Variants in AKAP19 observed in about 807,000 individuals in gnomAD.
The protein encoded by AKAP19 is A-kinase anchoring protein 19, also known as small A-kinase anchoring protein.
the AKAP19 span, among the ~76,000 whole-genome samples, chr2:190,163,529 C>T: frequency 6.6e-6 from 1 of 151,808 alleles, no homozygotes; most frequent in African/African-American, 2.4e-5. Context: ...ATAGTACTTC[C>T]TAAAATATTT....
At chr2:190,176,618 G>A in the AKAP19 span, among the ~76,000 whole-genome samples, 5 of 152,186 alleles carry the variant, frequency 3.3e-5, no homozygotes, top group Non-Finnish European at 7.3e-5. The surrounding 1 kb of genome is among the most constrained non-coding windows in gnomAD (Gnocchi z 4.7). Flanking sequence ...AAAGTGCTGG[G>A]ATTACAGGCA....
At chr2:189,950,893 ATT>A in the AKAP19 span, among the ~76,000 whole-genome samples, 1 of 151,990 alleles carries the variant, frequency 6.6e-6, no homozygotes, top group African/African-American at 2.4e-5. Flanking sequence ...AACCTTTGCC[ATT>A]TGGCTCTCTA....
the AKAP19 span, among the ~76,000 whole-genome samples, chr2:189,957,211 C>T: frequency 3.3e-5 from 5 of 152,056 alleles, no homozygotes; most frequent in East Asian, 1.9e-4. Flanking sequence ...TCCATGCTCA[C>T]GATATAAGGT....
the AKAP19 span, among the ~76,000 whole-genome samples, chr2:189,950,445 A>G: frequency 6.6e-6 from 1 of 151,032 alleles, no homozygotes; most frequent in Non-Finnish European, 1.5e-5. Context: ...GATTGTGAAG[A>G]GTCAATTAGG....
the AKAP19 span, among the ~76,000 whole-genome samples, chr2:190,127,125 A>C: frequency 6.6e-6 from 1 of 151,644 alleles, no homozygotes; most frequent in Non-Finnish European, 1.5e-5. Context: ...ATTTTGTCTT[A>C]TACTTTTGTA....
chr2:190,193,023 G>A, the AKAP19 span, among the ~76,000 whole-genome samples: 2 of 151,946 alleles, frequency 1.3e-5, no homozygotes, highest in South Asian at 4.1e-4. Flanking sequence ...TACTCAGTGG[G>A]ACTTCCGGTA....
chr2:189,919,456 C>T, the AKAP19 span, among the ~76,000 whole-genome samples: 1 of 151,420 alleles, frequency 6.6e-6, no homozygotes, highest in Non-Finnish European at 1.5e-5. Context: ...GATACATGTG[C>T]AGAACGTGCA....
At chr2:190,060,510 G>A in the AKAP19 span, 2 of 1,368,772 alleles carry the variant, frequency 1.5e-6, no homozygotes, top group African/African-American at 1.5e-5. Flanking sequence ...TAATAGTTGA[G>A]CATTTTTTTA....
At chr2:190,115,276 TATATATATATATATATATATA>T in the AKAP19 span, among the ~76,000 whole-genome samples, 34 of 4,270 alleles carry the variant, frequency 8.0e-3, no homozygotes, top group Non-Finnish European at 0.019. Context: ...TATATATATA[TATATATATATATATATATATA>T]TATATTTTTT....
At chr2:190,150,500 G>A in the AKAP19 span, 1 of 152,258 alleles carries the variant, frequency 6.6e-6, no homozygotes, top group Non-Finnish European at 1.5e-5. Context: ...TCCAGTGGGA[G>A]GTGTTTGGGA....
the AKAP19 span, among the ~76,000 whole-genome samples, chr2:190,011,194 A>T: frequency 9.0e-4 from 136 of 151,532 alleles, 6 homozygotes; most frequent in South Asian, 0.027. Context: ...AGTAGCTGGG[A>T]TTACAGGCAC....
the AKAP19 span, among the ~76,000 whole-genome samples, chr2:190,006,638 C>CAAAAA: frequency 1.8e-5 from 2 of 113,888 alleles, no homozygotes; most frequent in African/African-American, 6.5e-5. Context: ...GACTCTGTCT[C>CAAAAA]AAAAAAAAAA....
the AKAP19 span, among the ~76,000 whole-genome samples, chr2:189,950,028 GTT>G: frequency 8.8e-6 from 1 of 113,950 alleles, no homozygotes; most frequent in Non-Finnish European, 1.7e-5. Flanking sequence ...TTGGTTTTGG[GTT>G]TTTTTTTTTT....
At chr2:189,926,291 TTGTTTTG>T in the AKAP19 span, among the ~76,000 whole-genome samples, 2 of 152,162 alleles carry the variant, frequency 1.3e-5, no homozygotes, top group African/African-American at 4.8e-5. Context: ...TTTTTTTGTT[TTGTTTTG>T]TTTTTTGTTT....
At chr2:189,924,089 G>A in the AKAP19 span, 15 of 1,559,984 alleles carry the variant, frequency 9.6e-6, no homozygotes, top group Non-Finnish European at 1.1e-5. Context: ...TGAGGAGGGG[G>A]ACCTACTGGA....
the AKAP19 span, among the ~76,000 whole-genome samples, chr2:189,921,227 G>T: frequency 2.0e-5 from 3 of 152,160 alleles, no homozygotes; most frequent in Non-Finnish European, 4.4e-5. Context: ...TAGTTTTAAA[G>T]GTGGTTAGAG....
At chr2:189,962,957 A>G in the AKAP19 span, among the ~76,000 whole-genome samples, 6 of 152,222 alleles carry the variant, frequency 3.9e-5, no homozygotes, top group East Asian at 9.6e-4. Context: ...TTTTACCTGT[A>G]GTAAAACTTC....
chr2:190,031,212 A>G, the AKAP19 span, among the ~76,000 whole-genome samples: 1 of 152,194 alleles, frequency 6.6e-6, no homozygotes, highest in Non-Finnish European at 1.5e-5. Context: ...AATTTTGAAT[A>G]CTGTAGTGGA....
the AKAP19 span, among the ~76,000 whole-genome samples, chr2:190,072,011 C>G: frequency 1.6e-4 from 24 of 151,802 alleles, no homozygotes; most frequent in Non-Finnish European, 5.9e-5. Flanking sequence ...AATAAAAATA[C>G]ATAAAGAAAA....
Sources: allele counts gnomAD v4.1 joint callset (sites outside exome capture counted in the v4.1 genomes callset), GRCh38; gene constraint gnomAD v4.1.1; non-coding constraint Gnocchi (gnomAD v3.1); transcripts MANE v1.5; gene names NCBI Gene and HGNC (gene_info 2026-07-23, HGNC 2026-07-21).